The following ERC2 variants were observed in gnomAD, a reference collection of about 807,000 sequenced individuals.
ERC2 encodes the protein ERC protein 2.
ERC2 carries 42 observed loss-of-function variants against 114.8 expected under a neutral mutation model. The observed-to-expected ratio is 0.37, with a 90% CI of 0.29 to 0.47. ERC2 has a LOEUF of 0.47. ERC2 is among the 20% of genes least tolerant of loss of function. The probability of loss-of-function intolerance (pLI) is 0.99; values close to 1 mark genes in which losing one functional copy is unlikely to be tolerated. For synonymous variants in ERC2, 454 were observed against 425.5 expected (o/e 1.07, Z -0.82); for missense variants, 939 against 1,150.7 (o/e 0.82, Z 2.66).
At chr3:56,382,004 C>G (rs1159713147) in intron 2 of ERC2, among the ~76,000 whole-genome samples, 2 of 152,050 alleles carry the variant, frequency 1.3e-5, no homozygotes, top group African/African-American at 4.8e-5. Context: ...TACTTCATAC[C>G]TTCTCCTTCA....
At chr3:55,633,849 G>T (rs991216872) in intron 17 of ERC2, among the ~76,000 whole-genome samples, 2 of 152,174 alleles carry the variant, frequency 1.3e-5, no homozygotes, top group African/African-American at 2.4e-5. Flanking sequence ...AAAGCTGACT[G>T]ATGCACATCC....
intron 14 of ERC2, among the ~76,000 whole-genome samples, chr3:55,767,962 G>C (rs527670841): frequency 3.9e-5 from 6 of 152,232 alleles, no homozygotes; most frequent in Non-Finnish European, 5.9e-5. Context: ...TTGGATCATG[G>C]GGGCAGATTT....
chr3:56,264,642 A>G (rs756905706), intron 3 of ERC2, among the ~76,000 whole-genome samples: 1 of 151,988 alleles, frequency 6.6e-6, no homozygotes, highest in Non-Finnish European at 1.5e-5. Flanking sequence ...AAGGCACTCA[A>G]ATAGGGAAGG....
chr3:56,281,597 C>T (rs921272772), intron 3 of ERC2, among the ~76,000 whole-genome samples: 1 of 152,164 alleles, frequency 6.6e-6, no homozygotes, highest in Admixed American at 6.5e-5. Context: ...TCAGGGAATG[C>T]ACAGTCTTGA....
intron 14 of ERC2, among the ~76,000 whole-genome samples, chr3:55,767,430 T>A (rs1409079086): frequency 6.6e-6 from 1 of 152,198 alleles, no homozygotes; most frequent in Non-Finnish European, 1.5e-5. Context: ...GTGGGCCCTT[T>A]GCTTTCAGGC....
intron 15 of ERC2, among the ~76,000 whole-genome samples, chr3:55,712,858 C>T (rs1174591878): frequency 6.6e-6 from 1 of 152,164 alleles, no homozygotes. Context: ...TTCTCCTAGT[C>T]CTCTCTCTGT....
At chr3:56,383,064 A>G (rs1250700548) in intron 2 of ERC2, among the ~76,000 whole-genome samples, 1 of 151,922 alleles carries the variant, frequency 6.6e-6, no homozygotes, top group Non-Finnish European at 1.5e-5. Context: ...CAGTAAATCT[A>G]CCCAGCTTTA....
At chr3:56,156,376 A>C (rs1420502568) in intron 4 of ERC2, among the ~76,000 whole-genome samples, 1 of 152,118 alleles carries the variant, frequency 6.6e-6, no homozygotes. Context: ...CAGTGTTTTA[A>C]ATCCCATGGA....
intron 5 of ERC2, among the ~76,000 whole-genome samples, chr3:56,146,913 C>T (rs778790683): frequency 3.9e-5 from 6 of 152,214 alleles, no homozygotes; most frequent in Non-Finnish European, 7.3e-5. Flanking sequence ...TTAAATCTAA[C>T]TCAAGGATTG....
At chr3:55,799,736 C>G (rs2070887825) in intron 14 of ERC2, among the ~76,000 whole-genome samples, 1 of 152,008 alleles carries the variant, frequency 6.6e-6, no homozygotes, top group African/African-American at 2.4e-5. Flanking sequence ...TGGCCCCTCT[C>G]ACGAAAACAC....
chr3:56,177,376 T>C (rs910414613), intron 3 of ERC2, among the ~76,000 whole-genome samples: 2 of 152,220 alleles, frequency 1.3e-5, no homozygotes, highest in Admixed American at 6.5e-5. Context: ...AAACAACTAA[T>C]GAATTTCCCC....
At chr3:55,900,511 A>G (rs2064076392) in intron 13 of ERC2, among the ~76,000 whole-genome samples, 1 of 152,134 alleles carries the variant, frequency 6.6e-6, no homozygotes, top group Non-Finnish European at 1.5e-5. Context: ...GAAGGAGAAG[A>G]AAATGGGTTT....
At chr3:56,142,060 C>G (rs1332575198) in intron 5 of ERC2, among the ~76,000 whole-genome samples, 3 of 152,212 alleles carry the variant, frequency 2.0e-5, no homozygotes, top group African/African-American at 4.8e-5. Context: ...CCATTCAGAG[C>G]TGTTATTTTC....
chr3:55,753,339 C>A (rs556318349), intron 14 of ERC2, among the ~76,000 whole-genome samples: 1 of 152,262 alleles, frequency 6.6e-6, no homozygotes, highest in East Asian at 1.9e-4. Context: ...CTTGACTTTA[C>A]GTATCTTAGC....
At chr3:56,023,774 T>TGAATGAAGGAAGGAAGGAAGGAAG (rs2073872532) in intron 7 of ERC2, among the ~76,000 whole-genome samples, 4 of 131,772 alleles carry the variant, frequency 3.0e-5, no homozygotes, top group Admixed American at 8.0e-5. Flanking sequence ...AAAAAAGGAA[T>TGAATGAAGGAAGGAAGGAAGGAAG]GAAGGAAGGA....
chr3:55,635,293 C>T (rs2059915368), intron 17 of ERC2, among the ~76,000 whole-genome samples: 1 of 152,078 alleles, frequency 6.6e-6, no homozygotes, highest in Non-Finnish European at 1.5e-5. Flanking sequence ...AGATCTCTGT[C>T]AGGTTGGAAC....
At chr3:56,212,617 G>A (rs941585053) in intron 3 of ERC2, among the ~76,000 whole-genome samples, 11 of 152,152 alleles carry the variant, frequency 7.2e-5, no homozygotes, top group African/African-American at 2.4e-4. Flanking sequence ...TCTACCCAGA[G>A]GAAAATAAGT....
intron 13 of ERC2, among the ~76,000 whole-genome samples, chr3:55,904,538 C>T (rs1019763142): frequency 6.6e-6 from 1 of 152,176 alleles, no homozygotes; most frequent in Non-Finnish European, 1.5e-5. Flanking sequence ...CATTCTACCC[C>T]TTTTTGCTAC....
chr3:55,895,652 G>T (rs1431382302), intron 13 of ERC2, among the ~76,000 whole-genome samples: 1 of 152,054 alleles, frequency 6.6e-6, no homozygotes, highest in Non-Finnish European at 1.5e-5. Flanking sequence ...CATCTTCTTT[G>T]CAAGCCCCTT....
Sources: allele counts gnomAD v4.1 joint callset (sites outside exome capture counted in the v4.1 genomes callset), GRCh38; gene constraint gnomAD v4.1.1; transcripts MANE v1.5; gene names NCBI Gene and HGNC (gene_info 2026-07-23, HGNC 2026-07-21).